Variants in CIBAR1 observed in about 807,000 individuals in gnomAD.
CIBAR1 encodes the protein CBY1-interacting BAR domain-containing protein 1.
Under a neutral mutation model 44.0 loss-of-function variants are expected in CIBAR1, and 25 were observed. The ratio of observed to expected loss-of-function variants is 0.57; its 90% CI spans 0.41 to 0.79. The LOEUF (loss-of-function observed/expected upper bound fraction) is 0.79, where lower values mean the gene tolerates loss of function less well. Among genes scored for constraint, CIBAR1 ranks in the 30% least tolerant of loss-of-function variants. The probability of loss-of-function intolerance (pLI) is 0.00; values close to 1 mark genes in which losing one functional copy is unlikely to be tolerated. For synonymous variants in CIBAR1, 115 were observed against 119.0 expected (o/e 0.97, Z 0.22); for missense variants, 278 against 344.8 (o/e 0.81, Z 1.53).
At chr8:93,715,103 A>G (rs1344224671) in intron 6 of CIBAR1, among the ~76,000 whole-genome samples, 1 of 152,218 alleles carries the variant, frequency 6.6e-6, no homozygotes, top group East Asian at 1.9e-4. Flanking sequence ...TATTGGTATT[A>G]AACAGCAAGG....
intron 5 of CIBAR1, 46 bp from the exon 6 acceptor site, chr8:93,709,725 C>G: frequency 1.3e-6 from 2 of 1,521,672 alleles, no homozygotes. Context: ...TGAATGAATT[C>G]TCATTTGATT....
intron 1 of CIBAR1, 47 bp downstream of exon 1, chr8:93,700,720 TG>T: frequency 6.8e-7 from 1 of 1,473,862 alleles, no homozygotes; most frequent in Non-Finnish European, 9.0e-7. Flanking sequence ...ACTGGAGGGC[TG>T]GGGTGAGGGA....
intron 6 of CIBAR1, among the ~76,000 whole-genome samples, chr8:93,711,894 C>T (rs1254996927): frequency 6.6e-6 from 1 of 152,146 alleles, no homozygotes; most frequent in Admixed American, 6.5e-5. Context: ...GTGCAGCATT[C>T]CCAGCTACAA....
rs181345969 is a variant in CIBAR1 at position 93,722,822 on chromosome 8, G to C, written c.658-3572G>C. On this transcript the variant is annotated intron_variant, in intron 7 of 8. Coordinates refer to ENST00000518322, the MANE Select transcript of CIBAR1 (RefSeq NM_145269.5). ...GAAAATGCATTATTGCCAATAAATT[G>C]GAGTAAAATGTTAATTGTAATAAAT... 8.5e-5 allele frequency among the ~76,000 whole-genome samples: 13 copies of C among 152,212 alleles called. No homozygotes were observed. The East Asian group carries it at 2.3e-3, about 27-fold the overall frequency.
At chr8:93,717,852 C>T (rs948518412) in intron 6 of CIBAR1, among the ~76,000 whole-genome samples, 3 of 152,152 alleles carry the variant, frequency 2.0e-5, no homozygotes, top group Non-Finnish European at 2.9e-5. Context: ...TGGTTTCCAT[C>T]TTTTCCACAC....
chr8:93,726,161 G>A (rs960234223), intron 7 of CIBAR1: 6 of 357,146 alleles, frequency 1.7e-5, no homozygotes, highest in African/African-American at 1.3e-4. Context: ...ATTGTTTCAT[G>A]ACTAATTACT....
At chr8:93,724,231 T>G (rs1418948106) in intron 7 of CIBAR1, among the ~76,000 whole-genome samples, 1 of 152,112 alleles carries the variant, frequency 6.6e-6, no homozygotes, top group East Asian at 1.9e-4. Context: ...AAGAGAGCAA[T>G]AACATATTTT....
At chr8:93,708,914 C>G (rs1292937469) in intron 5 of CIBAR1, among the ~76,000 whole-genome samples, 2 of 152,198 alleles carry the variant, frequency 1.3e-5, no homozygotes, top group African/African-American at 4.8e-5. Context: ...CTGTGTGCCA[C>G]TCTCCTTAGT....
At chr8:93,700,842 C>T (rs1270452185) in intron 1 of CIBAR1, 169 bp downstream of exon 1, 2 of 1,313,004 alleles carry the variant, frequency 1.5e-6, no homozygotes, top group African/African-American at 1.5e-5. Flanking sequence ...CAGCCACCGC[C>T]GGCGGCGAAG....
chr8:93,717,021 T>A (rs1811060936), intron 6 of CIBAR1, among the ~76,000 whole-genome samples: 1 of 152,244 alleles, frequency 6.6e-6, no homozygotes, highest in Non-Finnish European at 1.5e-5. Flanking sequence ...GTTGACTTTG[T>A]TGTTCTTGTT....
At chr8:93,701,591 A>G (rs1467159692) in intron 2 of CIBAR1, 133 bp downstream of exon 2, 25 of 737,490 alleles carry the variant, frequency 3.4e-5, no homozygotes, top group South Asian at 1.9e-4. Context: ...GTACATTTTC[A>G]TAAGACTGTG....
chr8:93,728,154 A>T (rs187114821), intron 8 of CIBAR1, 51 bp from the exon 9 acceptor site: 7 of 1,197,068 alleles, frequency 5.8e-6, no homozygotes, highest in African/African-American at 4.8e-5. Context: ...AGAATGTAAA[A>T]TTTTTTTAAG....
In CIBAR1 at chr8:93,701,368, G is replaced by C. The variant is rs755482814; in HGVS notation, c.171G>C (p.Ala57=). 1.2e-6 allele frequency: 2 copies of C among 1,613,730 alleles called. No homozygotes were observed. The highest frequency in any genetic ancestry group is 8.5e-7 in the Non-Finnish European group (1 of 1,179,862). ...ACCTCCTGGTGAATGAAATTAACGC[G>C]TATGCTGCTACAGAGACCCCGCATT... is the stretch of plus-strand genomic sequence containing the variant. ...KADLLVNEIN[A]YAATETPHLK... Residue 57 remains alanine, a synonymous_variant, in exon 2 of 9, where the codon GCG becomes GCC. Transcript: ENST00000518322.
intron 4 of CIBAR1, among the ~76,000 whole-genome samples, chr8:93,706,645 G>A (rs1021320825): frequency 6.6e-6 from 1 of 152,142 alleles, no homozygotes; most frequent in African/African-American, 2.4e-5. Flanking sequence ...TGTAAACACT[G>A]CTGTGGAAGG....
In CIBAR1 at chr8:93,728,187, T is replaced by C. The variant is rs1423506517; in HGVS notation, c.778-18T>C. 7 of 1,466,068 alleles carry C rather than the reference T, an allele frequency of 4.8e-6. No homozygotes were observed. The highest frequency in any genetic ancestry group is 2.9e-5 in the South Asian group (2 of 68,486). The allele number at this position is 1,466,068 out of a possible 1,614,324, so 90.8% of individuals were successfully genotyped here. ...AAGTTAGTATTTTTATTTTAAAAAG[T>C]GTGTTAACTTTTAACAGGTATCCAC... is the stretch of plus-strand genomic sequence containing the variant. On this transcript the variant is annotated intron_variant, in intron 8 of 8. Transcript: ENST00000518322.
At chr8:93,720,024 C>T (rs1240733354) in intron 7 of CIBAR1, 2 of 150,492 alleles carry the variant, frequency 1.3e-5, no homozygotes, top group African/African-American at 2.5e-5. Context: ...TGCTCTGTCA[C>T]CCAGTCTGGA....
chr8:93,728,056 A>G (rs1811611158), intron 8 of CIBAR1, 149 bp from the exon 9 acceptor site: 14 of 463,464 alleles, frequency 3.0e-5, no homozygotes, highest in East Asian at 3.6e-5. Flanking sequence ...CTTAAAATTC[A>G]TAGGGAATTT....
In CIBAR1 at chr8:93,726,545, G is replaced by T; in HGVS notation, c.777+32G>T. 3.1e-6 allele frequency: 5 copies of T among 1,609,540 alleles called. No individual in the cohort carries two copies. In the South Asian group the frequency reaches 4.4e-5, roughly 14 times the overall value. ...AAGAAACCGTACTCTAAAGGAATTT[G>T]AGCTGCTGCCTTTGGAATTGTTGAG... On this transcript the variant is annotated intron_variant, in intron 8 of 8. Transcript: ENST00000518322.
intron 5 of CIBAR1, among the ~76,000 whole-genome samples, chr8:93,708,315 A>G (rs1810684609): frequency 6.6e-6 from 1 of 152,194 alleles, no homozygotes; most frequent in African/African-American, 2.4e-5. Context: ...AAAAACTCTT[A>G]AATGTTTTTG....
Sources: gnomAD v4.1 joint callset for allele counts (sites outside exome capture counted in the v4.1 genomes callset) on GRCh38, gnomAD v4.1.1 for gene constraint, MANE v1.5 for transcripts, NCBI Gene and HGNC (gene_info 2026-07-23, HGNC 2026-07-21) for gene names.